The following KSR1 variants were observed in gnomAD, a reference collection of about 807,000 sequenced individuals.
The protein encoded by KSR1 is kinase suppressor of ras 1.
Under a neutral mutation model 92.9 loss-of-function variants are expected in KSR1, and 35 were observed. The ratio of observed to expected loss-of-function variants is 0.38; its 90% CI spans 0.29 to 0.50. The LOEUF is 0.50. Ranked by LOEUF, KSR1 falls within the 20% of genes least tolerant of loss-of-function variation. KSR1 has a pLI of 0.94. For missense variants in KSR1, 972 were observed against 1,158.5 expected, an observed-to-expected ratio of 0.84 and a Z score of 2.34; for synonymous variants, 467 against 472.6, an observed-to-expected ratio of 0.99 and a Z score of 0.15.
intron 10 of KSR1, among the ~76,000 whole-genome samples, chr17:27,598,960 A>C (rs1235963288): frequency 6.6e-6 from 1 of 152,156 alleles, no homozygotes; most frequent in Admixed American, 6.5e-5. Flanking sequence ...ATTGCACTTG[A>C]ACTTCAGGGG....
At chr17:27,499,981 T>A (rs1597889093) in intron 1 of KSR1, among the ~76,000 whole-genome samples, 1 of 152,238 alleles carries the variant, frequency 6.6e-6, no homozygotes, top group South Asian at 2.1e-4. Flanking sequence ...TGGAGTCACC[T>A]GCCACATCTG....
intron 1 of KSR1, among the ~76,000 whole-genome samples, chr17:27,491,683 G>A (rs907161623): frequency 3.3e-5 from 5 of 152,068 alleles, no homozygotes; most frequent in African/African-American, 1.2e-4. Flanking sequence ...AAAAAGGAAG[G>A]GAAATAAAAG....
In KSR1 at chr17:27,507,486, G is replaced by A. The variant is rs140743099; in HGVS notation, c.232-43082G>A. On this transcript the variant is annotated intron_variant, in intron 1 of 20. Transcript: ENST00000644974. ...TTTTATATTTATTTTTGTATGTTTT[G>A]TGTGATTATGTGTTGAAGTGATATT... Among the ~76,000 whole-genome samples the A allele has an allele frequency of 2.0e-3, 300 of 147,656 alleles. 1 individual carries two copies. The highest frequency in any genetic ancestry group is 7.2e-3 in the African/African-American group (290 of 40,062).
At chr17:27,549,218 G>A (rs551074490) in intron 1 of KSR1, among the ~76,000 whole-genome samples, 2 of 152,368 alleles carry the variant, frequency 1.3e-5, no homozygotes, top group South Asian at 4.1e-4. Context: ...GTAAGAGACT[G>A]TGAAGGTGGT....
chr17:27,461,654 A>G (rs1482503798), intron 1 of KSR1, among the ~76,000 whole-genome samples: 1 of 152,108 alleles, frequency 6.6e-6, no homozygotes, highest in Non-Finnish European at 1.5e-5. Flanking sequence ...AATGTTTCTT[A>G]GAGGCAGCCT....
intron 6 of KSR1, 129 bp from the exon 7 acceptor site, chr17:27,590,682 G>C (rs1440867510): frequency 1.2e-5 from 9 of 760,794 alleles, no homozygotes; most frequent in Non-Finnish European, 1.8e-5. Flanking sequence ...TCCTCTCTGG[G>C]AGGGGGCCAA....
chr17:27,610,068 C>T lies in KSR1; in HGVS notation c.2227C>T (p.Arg743Cys), dbSNP rs750142365. Residue 743 changes from arginine to cysteine, a missense_variant and splice_region_variant, in exon 17 of 21, where the codon CGT becomes TGT. Arg to Cys is a radical substitution (Grantham distance 180). Around this residue, in one of 5 missense-constraint regions of KSR1, gnomAD observed 260 missense variants for 375.2 expected, o/e 0.69. Transcript: ENST00000644974. ...TTGTCCCGGCTTCCTGGTCTCCAGG[C>T]GTGAGAACCAGCTAAAGCTGTCCCA... ...GISGVVREGR[R>C]ENQLKLSHDW... 2.2e-5 allele frequency: 36 copies of T among 1,613,690 alleles called. No homozygotes were observed. Among genetic ancestry groups the T allele is most frequent in the African/African-American group, 4.0e-5 (3 of 74,938 alleles).
chr17:27,613,529 G>T (rs2073978263), intron 18 of KSR1, among the ~76,000 whole-genome samples: 1 of 152,194 alleles, frequency 6.6e-6, no homozygotes, highest in Non-Finnish European at 1.5e-5. Context: ...CGAATTCCTG[G>T]TGGCTCCACC....
intron 1 of KSR1, among the ~76,000 whole-genome samples, chr17:27,504,254 C>G (rs556794358): frequency 1.3e-5 from 2 of 152,186 alleles, no homozygotes; most frequent in Non-Finnish European, 1.5e-5. Context: ...CAGCCTGGCT[C>G]TGTGAGGCTG....
chr17:27,511,783 C>G (rs1235655662), intron 1 of KSR1, among the ~76,000 whole-genome samples: 1 of 152,210 alleles, frequency 6.6e-6, no homozygotes, highest in African/African-American at 2.4e-5. Context: ...CTCTGCATCC[C>G]GTCTCACCGG....
intron 3 of KSR1, chr17:27,579,787 C>G (rs2072665886): frequency 7.2e-6 from 1 of 138,096 alleles, no homozygotes; most frequent in Non-Finnish European, 1.5e-5. Context: ...GAGGTGGGAG[C>G]ATGGCTTGAA....
rs989260988 is a variant in KSR1 at position 27,456,487 on chromosome 17, T to G, written c.-157T>G. The G allele has an allele frequency of 1.3e-5, 5 of 381,150 alleles. No homozygotes were observed. Among genetic ancestry groups the G allele is most frequent in the Admixed American group, 4.6e-5 (1 of 21,620 alleles). The allele number at this position is 381,150 out of a possible 1,614,324, so 23.6% of individuals were successfully genotyped here. ...CGCTTTGCTGCCGCGGCTGGGAGGGTGGAAGCGGCAGACTCAGCGGCCGGC... is the reference window on the plus strand; with the variant it reads ...CGCTTTGCTGCCGCGGCTGGGAGGGGGGAAGCGGCAGACTCAGCGGCCGGC... On this transcript the variant is annotated 5_prime_UTR_variant, in exon 1 of 21. Transcript: ENST00000644974.
chr17:27,596,941 A>G (rs941283741), intron 9 of KSR1, among the ~76,000 whole-genome samples: 2 of 152,238 alleles, frequency 1.3e-5, no homozygotes, highest in African/African-American at 4.8e-5. Flanking sequence ...TCTGCAGTAG[A>G]CACGGTGCCC....
chr17:27,597,173 T>C, intron 9 of KSR1, 95 bp from the exon 10 acceptor site: 1 of 1,350,040 alleles, frequency 7.4e-7, no homozygotes, highest in Admixed American at 2.1e-5. Context: ...CTGGGCTGAC[T>C]GCTTCCTTTC....
intron 20 of KSR1, chr17:27,622,680 C>G (rs1255849504): frequency 6.5e-6 from 1 of 153,052 alleles, no homozygotes; most frequent in Non-Finnish European, 1.5e-5. Flanking sequence ...CACCCTGCCA[C>G]CCTGGCAAAG....
At chr17:27,486,549 C>T (rs2068671014) in intron 1 of KSR1, among the ~76,000 whole-genome samples, 1 of 152,164 alleles carries the variant, frequency 6.6e-6, no homozygotes, top group Admixed American at 6.5e-5. Flanking sequence ...GAAGTGGGGG[C>T]CCTGGAGCCC....
chr17:27,501,100 A>C (rs2069160493), intron 1 of KSR1, among the ~76,000 whole-genome samples: 4 of 152,182 alleles, frequency 2.6e-5, no homozygotes, highest in Admixed American at 2.6e-4. Flanking sequence ...ATGTCTGTCA[A>C]GGCCTGAGCC....
intron 1 of KSR1, among the ~76,000 whole-genome samples, chr17:27,540,304 TC>T (rs2070909087): frequency 6.6e-6 from 1 of 152,204 alleles, no homozygotes; most frequent in African/African-American, 2.4e-5. Flanking sequence ...GGGTTGAATC[TC>T]CCATCTACAG....
At chr17:27,554,453 C>T (rs757518103) in intron 2 of KSR1, among the ~76,000 whole-genome samples, 12 of 152,192 alleles carry the variant, frequency 7.9e-5, no homozygotes, top group South Asian at 2.1e-4. Context: ...GCCTGAGTTC[C>T]GCCAGCTGTC....
Sources: gnomAD v4.1 joint callset for allele counts (sites outside exome capture counted in the v4.1 genomes callset) on GRCh38, gnomAD v4.1.1 for gene constraint, gnomAD v4.1.1 regional missense constraint, MANE v1.5 for transcripts, NCBI Gene and HGNC (gene_info 2026-07-23, HGNC 2026-07-21) for gene names.